CAPN3: variants seen among roughly 807,000 people sequenced by gnomAD.
The protein encoded by CAPN3 is calpain 3.
In CAPN3, 88 loss-of-function variants were observed where a neutral mutation model predicts 114.0. The ratio of observed to expected loss-of-function variants is 0.77; its 90% CI spans 0.65 to 0.92. The LOEUF (loss-of-function observed/expected upper bound fraction) is 0.92, where lower values mean the gene tolerates loss of function less well. Among genes scored for constraint, CAPN3 ranks in the 40% least tolerant of loss-of-function variants. The pLI is 0.00. For synonymous variants in CAPN3, 386 were observed against 382.9 expected (o/e 1.01, Z -0.09); for missense variants, 1,028 against 1,069.0 (o/e 0.96, Z 0.53).
Position 42,385,559 on chromosome 15 carries a change from GAA to G in CAPN3, c.380-606_380-605del, listed in dbSNP as rs1491491669. On this transcript the variant is annotated intron_variant, in intron 2 of 23. Coordinates refer to ENST00000397163, the MANE Select transcript of CAPN3 (RefSeq NM_000070.3). ...AGAGAGAGAGAGAGAGAGAGAGAGA[GAA>G]AGAGAGCAAAGTGTTACCTCCAACT... is the stretch of plus-strand genomic sequence containing the variant. 6.0e-4 allele frequency: 261 copies of G among 438,106 alleles called. 1 individual carries two copies. The highest frequency in any genetic ancestry group is 3.8e-3 in the African/African-American group (184 of 47,862). 27.1% of individuals were successfully genotyped at this position (438,106 alleles called of 1,614,324 possible).
At chr15:42,380,232 A>C (rs2053199287) in intron 1 of CAPN3, among the ~76,000 whole-genome samples, 1 of 152,100 alleles carries the variant, frequency 6.6e-6, no homozygotes, top group Non-Finnish European at 1.5e-5. Context: ...ATATAGTTAG[A>C]TTACTACCTA....
At chr15:42,406,228 G>A (rs1324873675) in intron 15 of CAPN3, among the ~76,000 whole-genome samples, 1 of 152,216 alleles carries the variant, frequency 6.6e-6, no homozygotes, top group Non-Finnish European at 1.5e-5. Flanking sequence ...TTTTCAGAGG[G>A]AGAAAAGGTA....
chr15:42,391,992 C>T (rs1361583886), intron 6 of CAPN3, among the ~76,000 whole-genome samples: 9 of 151,736 alleles, frequency 5.9e-5, no homozygotes, highest in African/African-American at 1.2e-4. Context: ...GGTGAAACCC[C>T]GTTTCTACTA....
intron 8 of CAPN3, 70 bp downstream of exon 8, chr15:42,394,411 C>T: frequency 8.2e-7 from 1 of 1,223,572 alleles, no homozygotes; most frequent in Middle Eastern, 2.1e-4. Context: ...GTGTTGGGAA[C>T]TGAGCCATGA....
At chr15:42,367,839 T>A (rs191871409) in intron 1 of CAPN3, among the ~76,000 whole-genome samples, 3 of 152,222 alleles carry the variant, frequency 2.0e-5, no homozygotes, top group Admixed American at 6.5e-5. Flanking sequence ...CTCTTTTTTT[T>A]AAACAGAGAT....
chr15:42,371,557 T>G (rs887642245), intron 1 of CAPN3, among the ~76,000 whole-genome samples: 2 of 152,238 alleles, frequency 1.3e-5, no homozygotes, highest in African/African-American at 4.8e-5. Flanking sequence ...AGTTGTCTTT[T>G]TCAATTTGAA....
chr15:42,408,191 C>G lies in CAPN3; in HGVS notation c.1801-20C>G. 6.5e-7 allele frequency: 1 copy of G among 1,548,996 alleles called. No individual in the cohort carries two copies. The highest frequency in any genetic ancestry group is 1.7e-5 in the Admixed American group (1 of 59,870). ...ACTGTAATCCTCCCTTCCTTCCTGC[C>G]TCCTCCCTCCTCTCTCCAGCCCATC... is the stretch of plus-strand genomic sequence containing the variant. On this transcript the variant is annotated intron_variant, in intron 15 of 23. Transcript: ENST00000397163.
At position 42,396,861 on chromosome 15, in the gene CAPN3, G is replaced by A. The variant is rs1256175801; in HGVS notation, c.1177G>A (p.Glu393Lys). The change falls in exon 9 of 24, where the codon GAG becomes AAG. Residue 393 changes from glutamate to lysine, a missense_variant. Physicochemically the swap from Glu to Lys is moderately conservative, Grantham distance 56 (BLOSUM62 1). Coordinates refer to ENST00000397163, the MANE Select transcript of CAPN3 (RefSeq NM_000070.3). Reference sequence around the variant, plus strand: ...GGCCCGTCTGCAGCACCAGGTCACTGAGGATGGAGAGTTCTGGTGAGTCCA... The same window carrying A: ...GGCCCGTCTGCAGCACCAGGTCACTAAGGATGGAGAGTTCTGGTGAGTCCA... ...EKARLQHQVT[E>K]DGEFWMSYED... 1.2e-6 allele frequency: 2 copies of A among 1,613,642 alleles called. No individual in the cohort carries two copies. Among genetic ancestry groups the A allele is most frequent in the Non-Finnish European group, 8.5e-7 (1 of 1,179,572 alleles).
In CAPN3 at chr15:42,393,873, G is replaced by A. The variant is rs1014121257; in HGVS notation, c.1030-383G>A. Among the ~76,000 whole-genome samples, 33 of 150,868 alleles carry A rather than the reference G, an allele frequency of 2.2e-4. 1 individual carries two copies. Among genetic ancestry groups the A allele is most frequent in the Admixed American group, 9.9e-4 (15 of 15,176 alleles). On this transcript the variant is annotated intron_variant, in intron 7 of 23. Transcript: ENST00000397163. ...CTCTCAAAGTGCTGGGATTACAGGCGTGAGCCACCACGCCTGGCCAGCAGG... is the reference window on the plus strand; with the variant it reads ...CTCTCAAAGTGCTGGGATTACAGGCATGAGCCACCACGCCTGGCCAGCAGG...
intron 2 of CAPN3, chr15:42,385,531 C>CACAGAGAGAA: frequency 2.8e-6 from 1 of 359,546 alleles, no homozygotes; most frequent in Admixed American, 3.4e-5. Context: ...TATACACACA[C>CACAGAGAGAA]AGAGAGAGAG....
At chr15:42,384,390 G>A (rs1011668060) in intron 1 of CAPN3, 93 bp from the exon 2 acceptor site, 16 of 931,526 alleles carry the variant, frequency 1.7e-5, no homozygotes, top group Admixed American at 1.6e-4. Context: ...GCAGCCTGGC[G>A]ACAGAGTGAG....
chr15:42,403,711 T>G (rs2053941074), intron 13 of CAPN3, 30 bp from the exon 14 acceptor site: 2 of 1,609,822 alleles, frequency 1.2e-6, no homozygotes, highest in Non-Finnish European at 1.7e-6. Flanking sequence ...CTGGTGACAC[T>G]GAGACCCCAC....
chr15:42,407,228 G>C (rs2054049661), intron 15 of CAPN3, among the ~76,000 whole-genome samples: 1 of 152,146 alleles, frequency 6.6e-6, no homozygotes. Context: ...TGTTTTTGCA[G>C]TATGATTTTG....
At chr15:42,367,188 A>G (rs2052810885) in intron 1 of CAPN3, among the ~76,000 whole-genome samples, 1 of 152,094 alleles carries the variant, frequency 6.6e-6, no homozygotes, top group African/African-American at 2.4e-5. Flanking sequence ...GTGACTTGGT[A>G]GAGGGTGGAG....
At position 42,401,483 on chromosome 15, in the gene CAPN3, C is replaced by G. The variant is rs551704617; in HGVS notation, c.1355-158C>G. 1.9e-4 allele frequency among the ~76,000 whole-genome samples: 26 copies of G among 133,890 alleles called. 2 individuals are homozygous for G. In the South Asian group the frequency reaches 6.2e-3, roughly 32 times the overall value. 87.8% of individuals were successfully genotyped at this position (133,890 alleles called of 152,430 possible). A position where few individuals can be genotyped will look rare whatever the true frequency, so the allele number is the denominator to read the frequency against. On this transcript the variant is annotated intron_variant, in intron 10 of 23. Transcript: ENST00000397163. Reference sequence around the variant, plus strand: ...CTGAATAAAGGTAGCGCCCCCCCCCCCCCCAAATCATTAGAGAAATGCCTG... The same window carrying G: ...CTGAATAAAGGTAGCGCCCCCCCCCGCCCCAAATCATTAGAGAAATGCCTG...
chr15:42,402,672 G>A (rs1293844313), intron 12 of CAPN3, 122 bp from the exon 13 acceptor site: 5 of 1,560,582 alleles, frequency 3.2e-6, no homozygotes, highest in Admixed American at 1.9e-5. Context: ...TCGGAAGTAG[G>A]GAGGTTGAAA....
intron 16 of CAPN3, chr15:42,408,789 CA>C (rs2054103710): frequency 3.1e-6 from 1 of 319,692 alleles, no homozygotes; most frequent in Non-Finnish European, 6.1e-6. Context: ...GCCTTAGAGG[CA>C]AAAGTCTCCA....
At chr15:42,363,725 C>G (rs983606577) in intron 1 of CAPN3, among the ~76,000 whole-genome samples, 1 of 152,204 alleles carries the variant, frequency 6.6e-6, no homozygotes, top group Admixed American at 6.5e-5. Context: ...TCACCACATG[C>G]CAGTAACTAA....
chr15:42,405,687 A>T (rs185073114), intron 14 of CAPN3, among the ~76,000 whole-genome samples: 26 of 152,270 alleles, frequency 1.7e-4, no homozygotes, highest in African/African-American at 6.0e-4. Flanking sequence ...ATGCAGTAAG[A>T]GTAGATTATA....
Sources: gnomAD v4.1 joint callset for allele counts (sites outside exome capture counted in the v4.1 genomes callset) on GRCh38, gnomAD v4.1.1 for gene constraint, MANE v1.5 for transcripts, NCBI Gene and HGNC (gene_info 2026-07-23, HGNC 2026-07-21) for gene names.